The following PCSK5 variants were observed in gnomAD, a reference collection of about 807,000 sequenced individuals.
The protein encoded by PCSK5 is proprotein convertase subtilisin/kexin type 5.
PCSK5 carries 129 observed loss-of-function variants against 233.2 expected under a neutral mutation model. That is an observed-to-expected ratio of 0.55 (90% CI 0.48 to 0.64). The LOEUF (loss-of-function observed/expected upper bound fraction) is 0.64, where lower values mean the gene tolerates loss of function less well. Ranked by LOEUF, PCSK5 falls within the 30% of genes least tolerant of loss-of-function variation. PCSK5 has a pLI of 0.00. For synonymous variants in PCSK5, 825 were observed against 879.2 expected (o/e 0.94, Z 1.09); for missense variants, 2,076 against 2,430.1 (o/e 0.85, Z 3.06).
chr9:76,003,305 C>G (rs747125443), intron 3 of PCSK5, among the ~76,000 whole-genome samples: 4 of 152,104 alleles, frequency 2.6e-5, no homozygotes, highest in Non-Finnish European at 4.4e-5. Flanking sequence ...CCTGGGAAGT[C>G]GAGGTTTCAG....
chr9:76,018,058 G>T (rs1828024645), intron 3 of PCSK5, among the ~76,000 whole-genome samples: 1 of 148,300 alleles, frequency 6.7e-6, no homozygotes, highest in South Asian at 2.1e-4. Flanking sequence ...AACTGCAAAG[G>T]GGAGAACGGA....
intron 9 of PCSK5, among the ~76,000 whole-genome samples, chr9:76,120,405 A>G (rs1299943087): frequency 3.9e-5 from 6 of 152,128 alleles, no homozygotes; most frequent in Non-Finnish European, 8.8e-5. Flanking sequence ...AATTTATAAC[A>G]ATTGTGTAAA....
chr9:76,025,396 A>T (rs571055806), intron 4 of PCSK5, among the ~76,000 whole-genome samples: 1 of 136,014 alleles, frequency 7.4e-6, no homozygotes, highest in South Asian at 2.3e-4. Flanking sequence ...AGTAAAAAAA[A>T]TGAGGAGAGA....
intron 25 of PCSK5, among the ~76,000 whole-genome samples, chr9:76,295,013 G>C (rs1027637580): frequency 1.1e-4 from 16 of 152,024 alleles, no homozygotes; most frequent in African/African-American, 3.9e-4. Context: ...AATTAGCCAG[G>C]CATGGTGGTG....
At chr9:76,130,079 G>A (rs1687008567) in intron 9 of PCSK5, among the ~76,000 whole-genome samples, 2 of 152,024 alleles carry the variant, frequency 1.3e-5, no homozygotes, top group Non-Finnish European at 2.9e-5. Context: ...CTGATGTTAT[G>A]ACATACGGTA....
chr9:76,304,078 C>A (rs923873968), intron 28 of PCSK5, among the ~76,000 whole-genome samples: 4 of 152,028 alleles, frequency 2.6e-5, no homozygotes, highest in Non-Finnish European at 5.9e-5. Flanking sequence ...AGGCTGAGAC[C>A]AGAGAATCGC....
intron 24 of PCSK5, among the ~76,000 whole-genome samples, chr9:76,253,137 A>G (rs1826865353): frequency 6.6e-6 from 1 of 152,172 alleles, no homozygotes; most frequent in Admixed American, 6.5e-5. Flanking sequence ...TCAGGGACCT[A>G]GTGCATCATC....
intron 12 of PCSK5, among the ~76,000 whole-genome samples, chr9:76,163,166 A>C (rs1285342803): frequency 6.6e-6 from 1 of 152,204 alleles, no homozygotes; most frequent in Non-Finnish European, 1.5e-5. Flanking sequence ...AGAAGTCCTC[A>C]TTTACTTAGA....
At chr9:76,027,600 C>T (rs1223811320) in intron 5 of PCSK5, among the ~76,000 whole-genome samples, 4 of 132,008 alleles carry the variant, frequency 3.0e-5, no homozygotes, top group African/African-American at 1.1e-4. Flanking sequence ...ACCCGGTTAA[C>T]CACAATTATG....
intron 3 of PCSK5, among the ~76,000 whole-genome samples, chr9:76,014,657 T>C (rs566761270): frequency 2.0e-5 from 3 of 152,306 alleles, no homozygotes; most frequent in African/African-American, 7.2e-5. Context: ...AGCCCACCTG[T>C]CGCTATGTTA....
At chr9:76,097,236 A>G (rs2131656489) in intron 8 of PCSK5, among the ~76,000 whole-genome samples, 1 of 138,516 alleles carries the variant, frequency 7.2e-6, no homozygotes, top group Non-Finnish European at 1.5e-5. Flanking sequence ...CCCAGCCAAA[A>G]AGTGCATTTC....
chr9:76,058,278 G>A (rs888856535), intron 5 of PCSK5, among the ~76,000 whole-genome samples: 5 of 152,144 alleles, frequency 3.3e-5, no homozygotes, highest in Non-Finnish European at 7.3e-5. Flanking sequence ...ATCCAGCCTG[G>A]AGGTATTTTT....
intron 9 of PCSK5, among the ~76,000 whole-genome samples, chr9:76,121,388 G>C (rs925048366): frequency 3.3e-5 from 5 of 151,960 alleles, no homozygotes; most frequent in African/African-American, 1.2e-4. Context: ...TTATGTCTTT[G>C]AGTTTATTTT....
At chr9:76,284,693 C>T (rs9411161) in intron 24 of PCSK5, among the ~76,000 whole-genome samples, 54,876 of 151,632 alleles carry the variant, frequency 0.36, 10,596 homozygotes, top group Middle Eastern at 0.47. Flanking sequence ...CCAGCATGCC[C>T]AGCTAATTTT....
chr9:76,002,834 C>T (rs1176262829), intron 3 of PCSK5, among the ~76,000 whole-genome samples: 3 of 152,170 alleles, frequency 2.0e-5, no homozygotes, highest in African/African-American at 7.2e-5. Context: ...TCAGTGTAGC[C>T]CTGATCTCTC....
At chr9:75,916,656 TG>T (rs1463099549) in intron 1 of PCSK5, among the ~76,000 whole-genome samples, 1 of 152,016 alleles carries the variant, frequency 6.6e-6, no homozygotes, top group Non-Finnish European at 1.5e-5. Context: ...GTTCTGAGGC[TG>T]GAAGGAAGGC....
At chr9:75,994,400 C>CTTTTTTTTTTTTTT (rs550518074) in intron 3 of PCSK5, among the ~76,000 whole-genome samples, 7 of 82,036 alleles carry the variant, frequency 8.5e-5, no homozygotes, top group Admixed American at 1.6e-4. Flanking sequence ...TTCTTTCTTT[C>CTTTTTTTTTTTTTT]TTTTTTTTTT....
At position 76,362,618 on chromosome 9, in the gene PCSK5, A is replaced by T. The variant is rs2131543229; in HGVS notation, c.*3696A>T. ...CAATTTCTGCCTCCAAAGAAAGAAGAAGTAAAAACTAAAAGGCAAAAATGA... is the reference window on the plus strand; with the variant it reads ...CAATTTCTGCCTCCAAAGAAAGAAGTAGTAAAAACTAAAAGGCAAAAATGA... On this transcript the variant is annotated 3_prime_UTR_variant, in exon 38 of 38. Transcript: ENST00000674117. Among the ~76,000 whole-genome samples the T allele has an allele frequency of 6.6e-6, 1 of 152,366 alleles. No homozygotes were observed.
At chr9:76,239,577 T>A (rs974751928) in intron 23 of PCSK5, among the ~76,000 whole-genome samples, 1 of 150,598 alleles carries the variant, frequency 6.6e-6, no homozygotes, top group Non-Finnish European at 1.5e-5. Flanking sequence ...ATGCCTATAA[T>A]CCCAGCTACA....
Sources: allele counts gnomAD v4.1 joint callset (sites outside exome capture counted in the v4.1 genomes callset), GRCh38; gene constraint gnomAD v4.1.1; transcripts MANE v1.5; gene names NCBI Gene and HGNC (gene_info 2026-07-23, HGNC 2026-07-21).